The following CAMKMT variants were observed in gnomAD, a reference collection of about 807,000 sequenced individuals.
The protein encoded by CAMKMT is calmodulin-lysine N-methyltransferase, also known as CaM KMT.
CAMKMT carries 53 observed loss-of-function variants against 48.0 expected under a neutral mutation model. The observed-to-expected ratio is 1.10, with a 90% CI of 0.89 to 1.39. The LOEUF is 1.39. Among genes scored for constraint, CAMKMT ranks in the 40% most tolerant of loss-of-function variants. CAMKMT has a pLI of 0.00. For synonymous variants in CAMKMT, 165 were observed against 152.3 expected (o/e 1.08, Z -0.61); for missense variants, 428 against 402.7 (o/e 1.06, Z -0.54).
intron 7 of CAMKMT, among the ~76,000 whole-genome samples, chr2:44,730,240 G>A (rs1009371970): frequency 6.6e-5 from 10 of 152,114 alleles, no homozygotes; most frequent in Non-Finnish European, 1.3e-4. Context: ...TGTCTGATAT[G>A]TCCTCTTGCT....
At chr2:44,603,409 G>A (rs1671113494) in intron 3 of CAMKMT, among the ~76,000 whole-genome samples, 1 of 152,042 alleles carries the variant, frequency 6.6e-6, no homozygotes, top group Non-Finnish European at 1.5e-5. Flanking sequence ...TATTTTAAAG[G>A]ATTCTTTTAC....
intron 3 of CAMKMT, among the ~76,000 whole-genome samples, chr2:44,417,169 G>A (rs962141628): frequency 4.0e-5 from 6 of 151,886 alleles, no homozygotes; most frequent in East Asian, 1.9e-4. Flanking sequence ...GCTGAGGCGC[G>A]GATCACGAGG....
intron 2 of CAMKMT, among the ~76,000 whole-genome samples, chr2:44,381,864 T>C (rs1680273267): frequency 6.6e-6 from 1 of 152,112 alleles, no homozygotes; most frequent in Non-Finnish European, 1.5e-5. Context: ...GAAGGAACCG[T>C]ATATTGCTTT....
intron 3 of CAMKMT, among the ~76,000 whole-genome samples, chr2:44,667,641 T>G (rs1675071668): frequency 6.6e-6 from 1 of 152,168 alleles, no homozygotes; most frequent in Non-Finnish European, 1.5e-5. Context: ...GTTCTTTCCC[T>G]GCACACCCTC....
chr2:44,732,953 C>CT (rs1263741904), intron 7 of CAMKMT, among the ~76,000 whole-genome samples: 1 of 152,130 alleles, frequency 6.6e-6, no homozygotes, highest in Non-Finnish European at 1.5e-5. Flanking sequence ...CCAATTTGTT[C>CT]TTTTAAGGAT....
chr2:44,555,057 G>A (rs1008859992), intron 3 of CAMKMT, among the ~76,000 whole-genome samples: 11 of 152,124 alleles, frequency 7.2e-5, no homozygotes, highest in African/African-American at 2.2e-4. Flanking sequence ...GAGGGATCTC[G>A]GAACTGTTGA....
chr2:44,711,264 G>T (rs774882677), intron 6 of CAMKMT, among the ~76,000 whole-genome samples: 13 of 151,974 alleles, frequency 8.6e-5, no homozygotes, highest in Non-Finnish European at 1.5e-4. Context: ...GTATTTTTTG[G>T]AATTAAATTA....
intron 3 of CAMKMT, among the ~76,000 whole-genome samples, chr2:44,668,948 A>G (rs898957553): frequency 6.6e-6 from 1 of 151,640 alleles, no homozygotes; most frequent in Non-Finnish European, 1.5e-5. Context: ...CGCCTGGCTA[A>G]TTTTTTTGTA....
In CAMKMT at chr2:44,674,222, T is replaced by C. The variant is rs558378451; in HGVS notation, c.377-30061T>C. Among the ~76,000 whole-genome samples, 12 of 152,330 alleles carry C rather than the reference T, an allele frequency of 7.9e-5. 1 individual carries two copies. The East Asian group carries it at 1.9e-3, about 24-fold the overall frequency. ...AGTCAACTCATTATTGTTTGAATGA[T>C]GTAAGAAGGAAAGGTTGATAATCCA... On this transcript the variant is annotated intron_variant, in intron 3 of 10. Transcript: ENST00000378494.
intron 3 of CAMKMT, among the ~76,000 whole-genome samples, chr2:44,510,291 A>G (rs1294791746): frequency 1.3e-5 from 2 of 152,224 alleles, no homozygotes; most frequent in Non-Finnish European, 1.5e-5. Context: ...TTTAAAGAGT[A>G]CTAGTCAATT....
At chr2:44,538,003 G>C (rs1666876029) in intron 3 of CAMKMT, among the ~76,000 whole-genome samples, 1 of 152,286 alleles carries the variant, frequency 6.6e-6, no homozygotes, top group Middle Eastern at 3.4e-3. Context: ...ATGCACACAT[G>C]TGTTTATAGC....
intron 3 of CAMKMT, among the ~76,000 whole-genome samples, chr2:44,534,911 G>A (rs1666685582): frequency 6.6e-6 from 1 of 151,526 alleles, no homozygotes; most frequent in Admixed American, 6.6e-5. Context: ...GATTATCAAA[G>A]AAAACAATAA....
chr2:44,538,974 GT>G (rs1666938225), intron 3 of CAMKMT, among the ~76,000 whole-genome samples: 1 of 143,692 alleles, frequency 7.0e-6, no homozygotes, highest in Non-Finnish European at 1.5e-5. Context: ...GTGTGTGTGT[GT>G]GTGTGTGTGT....
At chr2:44,422,496 G>C (rs1005892194) in intron 3 of CAMKMT, among the ~76,000 whole-genome samples, 1 of 152,148 alleles carries the variant, frequency 6.6e-6, no homozygotes, top group African/African-American at 2.4e-5. Context: ...ACAGATCAAC[G>C]TGCAGGATCA....
intron 3 of CAMKMT, among the ~76,000 whole-genome samples, chr2:44,481,044 A>G (rs1668942084): frequency 6.6e-6 from 1 of 152,016 alleles, no homozygotes; most frequent in Non-Finnish European, 1.5e-5. Context: ...CATTTATTCA[A>G]TAGTATGTTC....
At chr2:44,671,035 A>G (rs919663892) in intron 3 of CAMKMT, among the ~76,000 whole-genome samples, 12 of 152,198 alleles carry the variant, frequency 7.9e-5, no homozygotes, top group African/African-American at 2.7e-4. Context: ...TTGCAATATT[A>G]ATAAATGCTG....
At chr2:44,635,866 A>G (rs919154591) in intron 3 of CAMKMT, among the ~76,000 whole-genome samples, 3 of 152,218 alleles carry the variant, frequency 2.0e-5, no homozygotes, top group Non-Finnish European at 4.4e-5. Flanking sequence ...TGGAGTTGGT[A>G]TTCCCTGCAG....
intron 3 of CAMKMT, among the ~76,000 whole-genome samples, chr2:44,644,433 C>T (rs1044634354): frequency 5.3e-5 from 8 of 152,166 alleles, no homozygotes; most frequent in Non-Finnish European, 5.9e-5. Flanking sequence ...AAAATTATCA[C>T]GTTTTCAAGT....
chr2:44,593,729 G>A (rs1670461440), intron 3 of CAMKMT, among the ~76,000 whole-genome samples: 1 of 148,504 alleles, frequency 6.7e-6, no homozygotes, highest in African/African-American at 2.5e-5. Flanking sequence ...AAAAGCAGAA[G>A]TCTCCCTGGG....
Sources: allele counts gnomAD v4.1 joint callset (sites outside exome capture counted in the v4.1 genomes callset), GRCh38; gene constraint gnomAD v4.1.1; transcripts MANE v1.5; gene names NCBI Gene and HGNC (gene_info 2026-07-23, HGNC 2026-07-21).